ATP6V0D2: variants seen among roughly 807,000 people sequenced by gnomAD.
The protein encoded by ATP6V0D2 is V-type proton ATPase subunit d 2.
ATP6V0D2 carries 40 observed loss-of-function variants against 40.0 expected under a neutral mutation model. The observed-to-expected ratio is 1.00, with a 90% CI of 0.78 to 1.30. The LOEUF (loss-of-function observed/expected upper bound fraction) is 1.30. Ranked by LOEUF, ATP6V0D2 falls within the 50% of genes most tolerant of loss-of-function variation. The pLI, the probability that ATP6V0D2 is intolerant of heterozygous loss-of-function variation, is 0.00. For missense variants in ATP6V0D2, 470 were observed against 423.1 expected, an observed-to-expected ratio of 1.11 and a Z score of -0.97; for synonymous variants, 179 against 156.3, an observed-to-expected ratio of 1.15 and a Z score of -1.08.
At chr8:86,120,488 G>A (rs1424482077) in intron 2 of ATP6V0D2, among the ~76,000 whole-genome samples, 3 of 152,134 alleles carry the variant, frequency 2.0e-5, no homozygotes, top group Admixed American at 6.5e-5. Flanking sequence ...GGAGGCTGAG[G>A]CAGGAGGATC....
chr8:86,132,521 C>T (rs1224680095), intron 2 of ATP6V0D2, among the ~76,000 whole-genome samples: 2 of 152,172 alleles, frequency 1.3e-5, no homozygotes, highest in Non-Finnish European at 2.9e-5. Context: ...TGTCATTCTA[C>T]TCATTACCTT....
At position 86,099,009 on chromosome 8, in the gene ATP6V0D2, G is replaced by A. The variant is rs745342113; in HGVS notation, c.31G>A (p.Val11Met). Residue 11 changes from valine to methionine, a missense_variant, in exon 1 of 8, where the codon GTG becomes ATG. Physicochemically the swap from Val to Met is conservative, Grantham distance 21. Transcript: ENST00000285393. Reference sequence around the variant, plus strand: ...CGAAGGTGCGGAGCTGTACTTCAACGTGGACCATGGCTACCTGGAGGGCCT... The same window carrying A: ...CGAAGGTGCGGAGCTGTACTTCAACATGGACCATGGCTACCTGGAGGGCCT... MLEGAELYFN[V>M]DHGYLEGLVR... 10 of 1,613,918 alleles carry A rather than the reference G, an allele frequency of 6.2e-6. No homozygotes were observed. The highest frequency in any genetic ancestry group is 1.1e-5 in the South Asian group (1 of 91,080).
At chr8:86,119,578 A>C (rs1434299194) in intron 2 of ATP6V0D2, among the ~76,000 whole-genome samples, 1 of 152,188 alleles carries the variant, frequency 6.6e-6, no homozygotes, top group Non-Finnish European at 1.5e-5. Context: ...TCATTAATTA[A>C]GCAAGCATCC....
chr8:86,121,311 T>A (rs1818666187), intron 2 of ATP6V0D2, among the ~76,000 whole-genome samples: 1 of 152,190 alleles, frequency 6.6e-6, no homozygotes, highest in South Asian at 2.1e-4. Flanking sequence ...GGCTCATGCC[T>A]GTAATCCCAG....
At chr8:86,119,108 A>G (rs1407667545) in intron 2 of ATP6V0D2, among the ~76,000 whole-genome samples, 2 of 152,190 alleles carry the variant, frequency 1.3e-5, no homozygotes, top group Non-Finnish European at 2.9e-5. Context: ...CAAATCTCAT[A>G]TAAAGGCAAT....
chr8:86,112,315 A>C (rs113709434), intron 1 of ATP6V0D2, among the ~76,000 whole-genome samples: 272 of 152,326 alleles, frequency 1.8e-3, no homozygotes, highest in African/African-American at 6.3e-3. Context: ...AGAACAAGTG[A>C]TAATCTAATT....
intron 2 of ATP6V0D2, among the ~76,000 whole-genome samples, chr8:86,123,602 A>G (rs916867537): frequency 6.6e-6 from 1 of 152,162 alleles, no homozygotes; most frequent in Non-Finnish European, 1.5e-5. Context: ...ATTTAACAGG[A>G]TTTAGTATCT....
chr8:86,101,044 G>A (rs544775094), intron 1 of ATP6V0D2, among the ~76,000 whole-genome samples: 1 of 151,934 alleles, frequency 6.6e-6, no homozygotes, highest in East Asian at 1.9e-4. Context: ...CTACTCAGGA[G>A]GTTGAGGCAG....
chr8:86,111,014 T>A (rs1264820866), intron 1 of ATP6V0D2, among the ~76,000 whole-genome samples: 1 of 152,086 alleles, frequency 6.6e-6, no homozygotes, highest in African/African-American at 2.4e-5. Flanking sequence ...TTTACATGAT[T>A]TTAAAAATAC....
intron 1 of ATP6V0D2, among the ~76,000 whole-genome samples, chr8:86,106,656 T>A (rs1418256135): frequency 1.3e-5 from 2 of 152,224 alleles, no homozygotes; most frequent in African/African-American, 4.8e-5. Context: ...TGGATATGAA[T>A]CCATTTAGTT....
intron 2 of ATP6V0D2, 24 bp downstream of exon 2, chr8:86,113,904 A>G: frequency 6.3e-7 from 1 of 1,599,468 alleles, no homozygotes; most frequent in Non-Finnish European, 8.5e-7. Flanking sequence ...GAAAGCCCTA[A>G]TAAGCCCCAA....
intron 2 of ATP6V0D2, among the ~76,000 whole-genome samples, chr8:86,133,144 C>A (rs1234813470): frequency 6.6e-6 from 1 of 151,812 alleles, no homozygotes; most frequent in African/African-American, 2.4e-5. Flanking sequence ...AGGGAATGAC[C>A]TGGTTTTGAG....
In ATP6V0D2 at chr8:86,113,692, G is replaced by A. The variant is rs557848563; in HGVS notation, c.131-17G>A. 6.3e-7 allele frequency: 1 copy of A among 1,579,386 alleles called. No homozygotes were observed. Among genetic ancestry groups the A allele is most frequent in the Non-Finnish European group, 8.6e-7 (1 of 1,162,664 alleles). On this transcript the variant is annotated splice_polypyrimidine_tract_variant and intron_variant, in intron 1 of 7. Coordinates refer to ENST00000285393, the MANE Select transcript of ATP6V0D2 (RefSeq NM_152565.1). Reference sequence around the variant, plus strand: ...TGTTCAAAATTTAACCTGAATTGGGGTTTCATTTAATTTCAGACCTGAAAA... The same window carrying A: ...TGTTCAAAATTTAACCTGAATTGGGATTTCATTTAATTTCAGACCTGAAAA...
chr8:86,107,497 C>T (rs1229505393), intron 1 of ATP6V0D2, among the ~76,000 whole-genome samples: 1 of 152,196 alleles, frequency 6.6e-6, no homozygotes, highest in African/African-American at 2.4e-5. Flanking sequence ...GAACAAGTTA[C>T]TTCTCTGAGC....
chr8:86,141,332 G>A, intron 3 of ATP6V0D2, 118 bp from the exon 4 acceptor site: 1 of 634,720 alleles, frequency 1.6e-6, no homozygotes, highest in Non-Finnish European at 2.8e-6. Context: ...TGTATGGATT[G>A]CAACTCTGCA....
chr8:86,108,580 G>A (rs1818497002), intron 1 of ATP6V0D2, among the ~76,000 whole-genome samples: 1 of 152,128 alleles, frequency 6.6e-6, no homozygotes, highest in South Asian at 2.1e-4. Flanking sequence ...GGGCTGCTTG[G>A]ATAGAACAGT....
At chr8:86,118,085 CTTTTTTT>C (rs1222811419) in intron 2 of ATP6V0D2, among the ~76,000 whole-genome samples, 1 of 27,610 alleles carries the variant, frequency 3.6e-5, no homozygotes, top group African/African-American at 7.8e-5. Flanking sequence ...TTCTTTCTTT[CTTTTTTT>C]TTTTTTTTTT....
At chr8:86,139,362 C>G in intron 2 of ATP6V0D2, 95 bp from the exon 3 acceptor site, 1 of 1,000,770 alleles carries the variant, frequency 1.0e-6, no homozygotes, top group Non-Finnish European at 1.4e-6. Context: ...CTGAATGAAA[C>G]AGTGTGTACC....
At chr8:86,151,751 C>CTTTTTTTTTTTTTTTTTTTTT (rs1563568384) in intron 7 of ATP6V0D2, among the ~76,000 whole-genome samples, 2 of 89,054 alleles carry the variant, frequency 2.2e-5, no homozygotes, top group Non-Finnish European at 2.4e-5. Flanking sequence ...TGTAGCTTTT[C>CTTTTTTTTTTTTTTTTTTTTT]TTTCTTTTTT....
Sources: gnomAD v4.1 joint callset for allele counts (sites outside exome capture counted in the v4.1 genomes callset) on GRCh38, gnomAD v4.1.1 for gene constraint, MANE v1.5 for transcripts, NCBI Gene and HGNC (gene_info 2026-07-23, HGNC 2026-07-21) for gene names.